AHNAK: variants seen among roughly 807,000 people sequenced by gnomAD.
AHNAK encodes AHNAK nucleoprotein.
In AHNAK, 23 loss-of-function variants were observed where a neutral mutation model predicts 37.8. The ratio of observed to expected loss-of-function variants is 0.61; its 90% CI spans 0.44 to 0.86. The LOEUF (loss-of-function observed/expected upper bound fraction) is 0.86. Ranked by LOEUF, AHNAK falls within the 40% of genes least tolerant of loss-of-function variation. AHNAK has a pLI of 0.00. For synonymous variants in AHNAK, 2,481 were observed against 2,636.3 expected, an observed-to-expected ratio of 0.94 and a Z score of 1.80; for missense variants, 7,411 against 7,319.4, an observed-to-expected ratio of 1.01 and a Z score of -0.46.
At chr11:62,544,989 A>G (rs1267134416) in intron 1 of AHNAK, among the ~76,000 whole-genome samples, 4 of 152,192 alleles carry the variant, frequency 2.6e-5, no homozygotes, top group Admixed American at 1.3e-4. Flanking sequence ...ATTCTAATGA[A>G]GACGGGTTCG....
At chr11:62,497,146 G>T (rs1490198642) in intron 4 of AHNAK, among the ~76,000 whole-genome samples, 2 of 152,176 alleles carry the variant, frequency 1.3e-5, no homozygotes, top group Admixed American at 6.6e-5. Flanking sequence ...TTGAAGATGG[G>T]CCTGATATCA....
Position 62,526,454 on chromosome 11 carries a change from C to G in AHNAK, c.7963G>C (p.Gly2655Arg). 6.2e-7 allele frequency: 1 copy of G among 1,612,288 alleles called. No individual in the cohort carries two copies. Among genetic ancestry groups the G allele is most frequent in the South Asian group, 1.1e-5 (1 of 90,988 alleles). Residue 2655 changes from glycine (G) to arginine (R), a missense_variant, in exon 5 of 5, where the codon GGC becomes CGC. Transcript: ENST00000378024. Reference protein sequence around the residue: ...KFSMPGFKGEGPDGDVKLPKA... With the variant: ...KFSMPGFKGERPDGDVKLPKA... ...GGCAGCTTCACATCCCCATCTGGGC[C>G]CTCTCCTTTGAAGCCAGGCATGCTG... is the stretch of plus-strand genomic sequence containing the variant.
intron 5 of AHNAK, among the ~76,000 whole-genome samples, chr11:62,477,004 G>A (rs1590614068): frequency 6.6e-6 from 1 of 152,140 alleles, no homozygotes; most frequent in Non-Finnish European, 1.5e-5. Context: ...ATGCCCGACC[G>A]CATGTCACAC....
intron 5 of AHNAK, among the ~76,000 whole-genome samples, chr11:62,445,927 A>T (rs1938415572): frequency 6.7e-6 from 1 of 148,926 alleles, no homozygotes; most frequent in African/African-American, 2.5e-5. Context: ...GAGGCAGGAG[A>T]ATCACTTGAA....
chr11:62,471,515 G>C (rs761401001), intron 5 of AHNAK, among the ~76,000 whole-genome samples: 53 of 152,218 alleles, frequency 3.5e-4, no homozygotes, highest in Non-Finnish European at 6.0e-4. Flanking sequence ...GCATTAAACA[G>C]AATTTTGACT....
At chr11:62,454,610 C>T (rs1191831625) in intron 5 of AHNAK, among the ~76,000 whole-genome samples, 1 of 152,120 alleles carries the variant, frequency 6.6e-6, no homozygotes, top group Non-Finnish European at 1.5e-5. Context: ...TGGGGACCCG[C>T]TCCTTTAGCC....
Position 62,521,259 on chromosome 11 carries a change from G to A in AHNAK, c.13158C>T (p.Ser4386=). 6.2e-7 allele frequency: 1 copy of A among 1,613,956 alleles called. No individual in the cohort carries two copies. The highest frequency in any genetic ancestry group is 8.5e-7 in the Non-Finnish European group (1 of 1,179,996). The change falls in exon 5 of 5, where the codon TCC becomes TCT. Residue 4386 remains serine, a synonymous_variant. Transcript: ENST00000378024. ...PEMNIKAPKI[S]MPDIDFNLKG... is the part of the protein sequence containing the mutation. ...TCAAGTTAAAGTCAATGTCAGGCAT[G>A]GAGATTTTGGGGGCCTTGATGTTCA...
rs544047395 is a variant in AHNAK, at chr11:62,530,792, C to G, written c.3625G>C (p.Val1209Leu). The change falls in exon 5 of 5, where the codon GTC (valine) becomes CTC (leucine). Residue 1209 changes from valine (V) to leucine (L), a missense_variant. Transcript: ENST00000378024. ...ACAGACACATCCACATCCCCTTTGACTTTGGGGCCTTTCAAGTGTAAGTCC... is the reference window on the plus strand; with the variant it reads ...ACAGACACATCCACATCCCCTTTGAGTTTGGGGCCTTTCAAGTGTAAGTCC... ...DVDLHLKGPK[V>L]KGDVDVSVPK... 10 of 1,613,008 alleles carry G rather than the reference C, an allele frequency of 6.2e-6. No individual in the cohort carries two copies. In the South Asian group the frequency reaches 8.8e-5, roughly 14 times the overall value.
In AHNAK at chr11:62,518,505, C is replaced by T; in HGVS notation, c.15912G>A (p.Leu5304=). Residue 5304 remains leucine (L), a synonymous_variant, in exon 5 of 5, where the codon CTG becomes CTA. Transcript: ENST00000378024. Reference sequence around the variant, plus strand: ...CCTTCAAACTTGGTCCTTTCAAGTTCAGATCAAGGTCAGGCCCAGAGACTT... The same window carrying T: ...CCTTCAAACTTGGTCCTTTCAAGTTTAGATCAAGGTCAGGCCCAGAGACTT... ...MPKVSGPDLD[L]NLKGPSLKGD... The T allele has an allele frequency of 3.1e-6, 5 of 1,614,064 alleles. No homozygotes were observed. Among genetic ancestry groups the T allele is most frequent in the Non-Finnish European group, 3.4e-6 (4 of 1,180,022 alleles).
Position 62,520,819 on chromosome 11 carries a change from A to C in AHNAK, c.13598T>G (p.Ile4533Arg). The change falls in exon 5 of 5, where the codon ATA becomes AGA. Residue 4533 changes from isoleucine (I) to arginine (R), a missense_variant. Transcript: ENST00000378024. Reference sequence around the variant, plus strand: ...AACGGAAATGTCCATATCTCCTTTTATCTTAGGTCCTTTCAAATTCAAATC... The same window carrying C: ...AACGGAAATGTCCATATCTCCTTTTCTCTTAGGTCCTTTCAAATTCAAATC... ...DIDLNLKGPK[I>R]KGDMDISVPK... 1 of 1,614,034 alleles carries C rather than the reference A, an allele frequency of 6.2e-7. No individual in the cohort carries two copies. Among genetic ancestry groups the C allele is most frequent in the Non-Finnish European group, 8.5e-7 (1 of 1,179,990 alleles).
chr11:62,487,250 A>G (rs753045382), intron 5 of AHNAK, among the ~76,000 whole-genome samples: 1 of 152,198 alleles, frequency 6.6e-6, no homozygotes, highest in African/African-American at 2.4e-5. Flanking sequence ...CTTTATCTTC[A>G]CAACCACCAT....
chr11:62,455,883 T>C (rs1292037925), intron 5 of AHNAK, among the ~76,000 whole-genome samples: 1 of 128,818 alleles, frequency 7.8e-6, no homozygotes, highest in African/African-American at 3.0e-5. Flanking sequence ...AAAAAAACTA[T>C]ACAAAATTAA....
chr11:62,546,484 C>A (rs1941315185), intron 1 of AHNAK, among the ~76,000 whole-genome samples, 176 bp downstream of exon 1: 1 of 152,254 alleles, frequency 6.6e-6, no homozygotes, highest in South Asian at 2.1e-4. Flanking sequence ...CAGAACTCCG[C>A]TCCCAGAGAG....
intron 1 of AHNAK, among the ~76,000 whole-genome samples, chr11:62,546,326 G>C (rs530140701): frequency 6.6e-6 from 1 of 152,248 alleles, no homozygotes; most frequent in East Asian, 1.9e-4. Context: ...GCAGGGAGAG[G>C]AGGTGGGACA....
chr11:62,543,310 G>T (rs1237947083), intron 1 of AHNAK, among the ~76,000 whole-genome samples: 2 of 152,168 alleles, frequency 1.3e-5, no homozygotes, highest in African/African-American at 4.8e-5. Context: ...AGAGCAGAAT[G>T]CCACTGCCAT....
downstream of AHNAK, among the ~76,000 whole-genome samples, chr11:62,510,956 A>G (rs532466910): frequency 6.6e-6 from 1 of 152,290 alleles, no homozygotes; most frequent in South Asian, 2.1e-4. Flanking sequence ...AATTAGCTGC[A>G]TCTCCCACAT....
Position 62,529,146 on chromosome 11 carries a change from A to C in AHNAK, c.5271T>G (p.Ile1757Met), listed in dbSNP as rs780414180. The C allele has an allele frequency of 1.4e-5, 22 of 1,614,066 alleles. 1 individual carries two copies. The South Asian group carries it at 2.4e-4, about 18-fold the overall frequency. ...CTTTCAACTTTCCTTCTGGTCCCTCAATATCCAAATCAGGAGCATCAGTGT... is the reference window on the plus strand; with the variant it reads ...CTTTCAACTTTCCTTCTGGTCCCTCCATATCCAAATCAGGAGCATCAGTGT... ...SVDTDAPDLD[I>M]EGPEGKLKGS... The change falls in exon 5 of 5, where the codon ATT becomes ATG. Residue 1757 changes from isoleucine (I) to methionine (M), a missense_variant. Coordinates refer to ENST00000378024, the MANE Select transcript of AHNAK (RefSeq NM_001620.3).
intron 1 of AHNAK, among the ~76,000 whole-genome samples, chr11:62,539,519 G>A (rs1941058285): frequency 7.3e-6 from 1 of 136,128 alleles, no homozygotes; most frequent in African/African-American, 2.7e-5. Flanking sequence ...AAAACCCCAA[G>A]GACAAAGTGC....
In AHNAK at chr11:62,523,626, G is replaced by C. The variant is rs749502966; in HGVS notation, c.10791C>G (p.Asp3597Glu). 3.1e-6 allele frequency: 5 copies of C among 1,614,154 alleles called. No homozygotes were observed. In the South Asian group the frequency reaches 5.5e-5, roughly 18 times the overall value. ...TCACTTTGGGCATCTTCAGATGCCA[G>C]TCTGGACCATGAACATCCACATCTG... ...NAPDVDVHGP[D>E]WHLKMPKVKM... Residue 3597 changes from aspartate (D) to glutamate (E), a missense_variant, in exon 5 of 5, where the codon GAC (aspartate) becomes GAG (glutamate). Asp to Glu is a conservative substitution (Grantham distance 45). Transcript: ENST00000378024.
Sources: gnomAD v4.1 joint callset for allele counts (sites outside exome capture counted in the v4.1 genomes callset) on GRCh38, gnomAD v4.1.1 for gene constraint, MANE v1.5 for transcripts, NCBI Gene and HGNC (gene_info 2026-07-23, HGNC 2026-07-21) for gene names.